The following ADGRB3 variants were observed in gnomAD, a reference collection of about 807,000 sequenced individuals.
ADGRB3 encodes the protein adhesion G protein-coupled receptor B3.
ADGRB3 carries 37 observed loss-of-function variants against 193.4 expected under a neutral mutation model. The ratio of observed to expected loss-of-function variants is 0.19; its 90% CI spans 0.15 to 0.25. The LOEUF is 0.25. ADGRB3 is among the 10% of genes least tolerant of loss of function. The probability of loss-of-function intolerance (pLI) is 1.00; values close to 1 mark genes in which losing one functional copy is unlikely to be tolerated. For synonymous variants in ADGRB3, 690 were observed against 644.2 expected (o/e 1.07, Z -1.08); for missense variants, 1,637 against 1,852.9 (o/e 0.88, Z 2.14).
At chr6:69,107,865 C>A (rs1354992139) in intron 17 of ADGRB3, among the ~76,000 whole-genome samples, 3 of 151,862 alleles carry the variant, frequency 2.0e-5, no homozygotes, top group Non-Finnish European at 4.4e-5. Flanking sequence ...ATAAAGATGG[C>A]AACAGTAGAC....
intron 17 of ADGRB3, among the ~76,000 whole-genome samples, chr6:69,113,119 A>G (rs527505123): frequency 6.6e-6 from 1 of 152,328 alleles, no homozygotes. Context: ...ATGCTATTTT[A>G]TATAAGAAAC....
chr6:69,118,414 A>G (rs2150328516), intron 17 of ADGRB3, among the ~76,000 whole-genome samples: 2 of 151,752 alleles, frequency 1.3e-5, no homozygotes, highest in Middle Eastern at 6.8e-3. Flanking sequence ...AATCAAGAAG[A>G]TGCCTACAAG....
chr6:68,929,960 A>AG lies in ADGRB3; in HGVS notation c.758-593dup, dbSNP rs1296459103. Among the ~76,000 whole-genome samples, 4 of 152,024 alleles carry AG rather than the reference A, an allele frequency of 2.6e-5. No homozygotes were observed. In the East Asian group the frequency reaches 7.7e-4, roughly 29 times the overall value. On this transcript the variant is annotated intron_variant, in intron 3 of 31. Coordinates refer to ENST00000370598, the MANE Select transcript of ADGRB3 (RefSeq NM_001704.3). The stretch of plus-strand genomic sequence containing the variant: ...ATATTCTCTTACATGTGATTAGAAA[A>AG]GGGGGGAGGAATTAATTGGGGCAGG...
chr6:69,138,704 T>C (rs540619297), intron 17 of ADGRB3, among the ~76,000 whole-genome samples: 1 of 152,166 alleles, frequency 6.6e-6, no homozygotes, highest in Non-Finnish European at 1.5e-5. Context: ...ATTTACAATA[T>C]TAAGTTTATA....
intron 8 of ADGRB3, among the ~76,000 whole-genome samples, chr6:68,962,558 C>A (rs1014182776): frequency 1.3e-5 from 2 of 152,080 alleles, no homozygotes; most frequent in Non-Finnish European, 2.9e-5. Context: ...CTACCTTGTT[C>A]AATTTAGAAA....
chr6:69,113,366 ATATG>A (rs1016134022), intron 17 of ADGRB3, among the ~76,000 whole-genome samples: 257 of 151,772 alleles, frequency 1.7e-3, no homozygotes, highest in African/African-American at 5.2e-3. Flanking sequence ...TGTATCATAT[ATATG>A]TATATGTATG....
intron 20 of ADGRB3, among the ~76,000 whole-genome samples, chr6:69,323,659 C>T (rs2127308247): frequency 6.6e-6 from 1 of 152,072 alleles, no homozygotes; most frequent in Admixed American, 6.6e-5. Flanking sequence ...TGCTGTATAC[C>T]TAGCACAGTG....
In ADGRB3 at chr6:68,831,303, TAAAAAA is replaced by T. The variant is rs60991980; in HGVS notation, c.758-99239_758-99234del. Among the ~76,000 whole-genome samples the T allele has an allele frequency of 2.9e-3, 360 of 123,710 alleles. 3 individuals are homozygous for T. The highest frequency in any genetic ancestry group is 8.5e-3 in the East Asian group (37 of 4,344). The allele number at this position is 123,710 out of a possible 152,430, so 81.2% of individuals were successfully genotyped here. A position where few individuals can be genotyped will look rare whatever the true frequency, so the allele number is the denominator to read the frequency against. On this transcript the variant is annotated intron_variant, in intron 3 of 31. Coordinates refer to ENST00000370598, the MANE Select transcript of ADGRB3 (RefSeq NM_001704.3). The stretch of plus-strand genomic sequence containing the variant: ...TGGTGAATGCAAAGGTGGAGAAGAT[TAAAAAA>T]AAAAAAAAAAAAAAAAGCTGATTTT...
At chr6:69,328,662 C>T (rs1014256641) in intron 22 of ADGRB3, among the ~76,000 whole-genome samples, 8 of 152,114 alleles carry the variant, frequency 5.3e-5, no homozygotes, top group Admixed American at 3.3e-4. Context: ...CTGATAGGTT[C>T]GTACAAATTG....
intron 3 of ADGRB3, among the ~76,000 whole-genome samples, chr6:68,871,325 T>A (rs941717885): frequency 3.9e-5 from 6 of 152,172 alleles, no homozygotes; most frequent in Non-Finnish European, 5.9e-5. Flanking sequence ...TAGAAACAGA[T>A]GACTGAGGGG....
At chr6:69,083,998 G>T (rs2793460) in intron 17 of ADGRB3, among the ~76,000 whole-genome samples, 1 of 152,064 alleles carries the variant, frequency 6.6e-6, no homozygotes, top group Non-Finnish European at 1.5e-5. Context: ...TGGTCTCAAA[G>T]ACCTGACCTC....
intron 3 of ADGRB3, among the ~76,000 whole-genome samples, chr6:68,726,752 G>A (rs1226570641): frequency 1.3e-5 from 2 of 151,604 alleles, no homozygotes; most frequent in Non-Finnish European, 3.0e-5. Context: ...TAGACTTGCT[G>A]TATTTTATGT....
intron 3 of ADGRB3, among the ~76,000 whole-genome samples, chr6:68,827,803 C>G (rs1228737676): frequency 3.3e-5 from 5 of 152,038 alleles, no homozygotes; most frequent in African/African-American, 1.2e-4. Context: ...ATAATCTAGC[C>G]CCTTTCTCTA....
intron 3 of ADGRB3, among the ~76,000 whole-genome samples, chr6:68,854,841 A>T (rs1764934020): frequency 6.6e-6 from 1 of 152,158 alleles, no homozygotes; most frequent in Non-Finnish European, 1.5e-5. Context: ...CTTGGACCCC[A>T]GCTGCAGACT....
At chr6:69,365,329 A>G (rs1477828373) in intron 29 of ADGRB3, among the ~76,000 whole-genome samples, 1 of 152,030 alleles carries the variant, frequency 6.6e-6, no homozygotes, top group East Asian at 1.9e-4. Flanking sequence ...TGTCTGGTGT[A>G]GTTCCCACAG....
intron 3 of ADGRB3, among the ~76,000 whole-genome samples, chr6:68,828,187 CTT>C (rs34629272): frequency 1.0e-4 from 15 of 149,662 alleles, no homozygotes; most frequent in East Asian, 3.9e-4. Context: ...ATACAGGTGC[CTT>C]TTTTTTTTCC....
chr6:68,739,333 G>T (rs866013182), intron 3 of ADGRB3, among the ~76,000 whole-genome samples: 2 of 152,148 alleles, frequency 1.3e-5, no homozygotes, highest in Non-Finnish European at 2.9e-5. Flanking sequence ...TCAAGTGAGG[G>T]TTTTGTTTAG....
intron 20 of ADGRB3, among the ~76,000 whole-genome samples, chr6:69,279,071 G>GTGTATATATA (rs1223848774): frequency 2.8e-5 from 2 of 71,390 alleles, no homozygotes; most frequent in Non-Finnish European, 5.5e-5. Context: ...AAATACATAT[G>GTGTATATATA]TATATATATA....
intron 15 of ADGRB3, among the ~76,000 whole-genome samples, chr6:69,056,973 T>C (rs943421655): frequency 3.9e-5 from 6 of 152,138 alleles, no homozygotes; most frequent in Admixed American, 2.6e-4. Flanking sequence ...AAAATACCAT[T>C]TGGATAGATT....
Sources: allele counts gnomAD v4.1 joint callset (sites outside exome capture counted in the v4.1 genomes callset), GRCh38; gene constraint gnomAD v4.1.1; transcripts MANE v1.5; gene names NCBI Gene and HGNC (gene_info 2026-07-23, HGNC 2026-07-21).